DYNC2H1: variants seen among roughly 807,000 people sequenced by gnomAD.
DYNC2H1 encodes the protein cytoplasmic dynein 2 heavy chain 1.
In DYNC2H1, 410 loss-of-function variants were observed where a neutral mutation model predicts 570.0. The ratio of observed to expected loss-of-function variants is 0.72; its 90% CI spans 0.66 to 0.78. DYNC2H1 has a LOEUF of 0.78. DYNC2H1 is among the 30% of genes least tolerant of loss of function. The probability of loss-of-function intolerance (pLI) is 0.00; values close to 1 mark genes in which losing one functional copy is unlikely to be tolerated. For synonymous variants in DYNC2H1, 1,688 were observed against 1,677.6 expected, an observed-to-expected ratio of 1.01 and a Z score of -0.15; for missense variants, 4,865 against 5,046.4, an observed-to-expected ratio of 0.96 and a Z score of 1.09.
chr11:103,362,958 G>A (rs1940730654), intron 83 of DYNC2H1, among the ~76,000 whole-genome samples: 1 of 152,070 alleles, frequency 6.6e-6, no homozygotes, highest in Admixed American at 6.5e-5. Context: ...CTGAACCCGG[G>A]AGACAGAGGT....
intron 84 of DYNC2H1, among the ~76,000 whole-genome samples, chr11:103,417,315 A>G (rs568909801): frequency 2.8e-4 from 42 of 151,888 alleles, no homozygotes; most frequent in African/African-American, 9.4e-4. Flanking sequence ...GTTGGTCAGG[A>G]TGGTCTCGAT....
Position 103,326,097 on chromosome 11 carries a change from GAAT to G in DYNC2H1, c.12039+2111_12039+2113del, listed in dbSNP as rs1938456723. Among the ~76,000 whole-genome samples the G allele has an allele frequency of 4.6e-5, 7 of 152,152 alleles. No homozygotes were observed. The South Asian group carries it at 1.4e-3, about 32-fold the overall frequency. ...TCTTGGTTTCCGGCATCTATTAGCA[GAAT>G]AATGTTTAGTGTTGTAGTTTGGGCT... On this transcript the variant is annotated intron_variant, in intron 82 of 88. Coordinates refer to ENST00000375735, the MANE Select transcript of DYNC2H1 (RefSeq NM_001377.3). The surrounding 1 kb of genome is among the most constrained non-coding windows in gnomAD (Gnocchi z 6.1).
At chr11:103,124,126 A>G (rs1858865510) in intron 11 of DYNC2H1, among the ~76,000 whole-genome samples, 1 of 152,010 alleles carries the variant, frequency 6.6e-6, no homozygotes, top group Non-Finnish European at 1.5e-5. Context: ...TAATACCTGC[A>G]ATTTTTCTTA....
chr11:103,194,265 T>C (rs951098028), intron 47 of DYNC2H1, among the ~76,000 whole-genome samples: 1 of 150,422 alleles, frequency 6.6e-6, no homozygotes, highest in African/African-American at 2.5e-5. Context: ...TTTCTTTTTA[T>C]TGCTTTTTAT....
Position 103,205,103 on chromosome 11 carries a change from T to C in DYNC2H1, c.8454+139T>C. 4 of 789,842 alleles carry C rather than the reference T, an allele frequency of 5.1e-6. No homozygotes were observed. The highest frequency in any genetic ancestry group is 7.6e-6 in the Non-Finnish European group (4 of 525,562). The allele number at this position is 789,842 out of a possible 1,614,324, so 48.9% of individuals were successfully genotyped here. On this transcript the variant is annotated intron_variant, in intron 52 of 88. Coordinates refer to ENST00000375735, the MANE Select transcript of DYNC2H1 (RefSeq NM_001377.3). This position sits in a 1 kb window ranked among gnomAD's most constrained non-coding sequence, Gnocchi z 4.5. ...CATCTCTTATGTTTGGAAATGTCTG[T>C]TTTCTTCGTACTCTTGCATCATAAT...
chr11:103,253,612 T>G lies in DYNC2H1; in HGVS notation c.10206+164T>G, dbSNP rs1227617910. ...AGTGAAGCATTCTGGCTTATTTCATTTATCATATGTATTAGACCTGTACAT... is the reference window on the plus strand; with the variant it reads ...AGTGAAGCATTCTGGCTTATTTCATGTATCATATGTATTAGACCTGTACAT... On this transcript the variant is annotated intron_variant, in intron 66 of 88. Transcript: ENST00000375735. Among the ~76,000 whole-genome samples, 3 of 152,182 alleles carry G rather than the reference T, an allele frequency of 2.0e-5. No homozygotes were observed. The East Asian group carries it at 5.8e-4, about 29-fold the overall frequency.
At chr11:103,274,806 T>C (rs1031027633) in intron 70 of DYNC2H1, among the ~76,000 whole-genome samples, 1 of 152,016 alleles carries the variant, frequency 6.6e-6, no homozygotes, top group African/African-American at 2.4e-5. Flanking sequence ...TAAAATTTAT[T>C]TATGTAGGCT....
intron 83 of DYNC2H1, among the ~76,000 whole-genome samples, chr11:103,389,269 A>G (rs1942030643): frequency 6.6e-6 from 1 of 151,960 alleles, no homozygotes; most frequent in Non-Finnish European, 1.5e-5. Context: ...TTTCTTCTAC[A>G]TTTTCTAGTT....
At chr11:103,315,757 T>C (rs1937789581) in intron 79 of DYNC2H1, among the ~76,000 whole-genome samples, 1 of 151,758 alleles carries the variant, frequency 6.6e-6, no homozygotes, top group African/African-American at 2.4e-5. Flanking sequence ...TTTGAGTGAT[T>C]GTCTCCAGCC....
intron 70 of DYNC2H1, among the ~76,000 whole-genome samples, chr11:103,274,578 G>A (rs1865837102): frequency 6.6e-6 from 1 of 151,920 alleles, no homozygotes; most frequent in African/African-American, 2.4e-5. Context: ...AGCTTCTCCA[G>A]CTCATCATTA....
rs956690168 is a variant in DYNC2H1 at position 103,252,700 on chromosome 11, T to C, written c.10043-585T>C. Among the ~76,000 whole-genome samples, 15 of 152,322 alleles carry C rather than the reference T, an allele frequency of 9.8e-5. No individual in the cohort carries two copies. The highest frequency in any genetic ancestry group is 3.4e-4 in the African/African-American group (14 of 41,592). On this transcript the variant is annotated intron_variant, in intron 65 of 88. Transcript: ENST00000375735. This position sits in a 1 kb window ranked among gnomAD's most constrained non-coding sequence, Gnocchi z 4.6. ...TGCTTTTTAATCAGGTTATTTATCT[T>C]TCTGCTATTGAATTGTATGAGTTTT...
intron 70 of DYNC2H1, among the ~76,000 whole-genome samples, chr11:103,269,039 G>A (rs560904399): frequency 5.2e-4 from 79 of 152,128 alleles, no homozygotes; most frequent in Non-Finnish European, 9.0e-4. Flanking sequence ...TAGGCAAAAG[G>A]CAGCATTTTG....
intron 84 of DYNC2H1, among the ~76,000 whole-genome samples, chr11:103,419,036 C>T (rs761126714): frequency 1.3e-5 from 2 of 152,170 alleles, no homozygotes; most frequent in Admixed American, 6.6e-5. Context: ...AGCCAAGCAG[C>T]GTCATTCTGC....
rs979956503 is a variant in DYNC2H1, at chr11:103,239,200, G to A, written c.9819+2661G>A. On this transcript the variant is annotated intron_variant, in intron 63 of 88. Transcript: ENST00000375735. The surrounding 1 kb of genome is among the most constrained non-coding windows in gnomAD (Gnocchi z 4.3). ...GTTATAGACAGTTCAGTGTCAAATT[G>A]GTTTTAACCACTCAAAATTTCATAG... Among the ~76,000 whole-genome samples, 3 of 151,884 alleles carry A rather than the reference G, an allele frequency of 2.0e-5. No homozygotes were observed. Among genetic ancestry groups the A allele is most frequent in the Admixed American group, 6.6e-5 (1 of 15,232 alleles).
chr11:103,467,200 C>G (rs1220782233), intron 87 of DYNC2H1, among the ~76,000 whole-genome samples: 1 of 152,070 alleles, frequency 6.6e-6, no homozygotes, highest in African/African-American at 2.4e-5. Context: ...ATTTTCAAAA[C>G]TCTTCAAGTG....
rs547302738 is a variant in DYNC2H1 at position 103,244,071 on chromosome 11, C to G, written c.9918+280C>G. Among the ~76,000 whole-genome samples, 88 of 152,198 alleles carry G rather than the reference C, an allele frequency of 5.8e-4. No homozygotes were observed. Among genetic ancestry groups the G allele is most frequent in the Middle Eastern group, 6.8e-3 (2 of 294 alleles). On this transcript the variant is annotated intron_variant, in intron 64 of 88. Transcript: ENST00000375735. The surrounding 1 kb of genome is among the most constrained non-coding windows in gnomAD (Gnocchi z 4.3). ...TAGGTTAGAGAAACAATTAAAGAAG[C>G]TTTGCACTACGTTATGACTAATGAC...
chr11:103,223,107 A>G (rs1190834175), intron 59 of DYNC2H1, 21 bp downstream of exon 59: 19 of 1,566,820 alleles, frequency 1.2e-5, no homozygotes, highest in Non-Finnish European at 1.6e-5. Context: ...TATAAAATAT[A>G]AACAATTCTA....
chr11:103,196,293 G>A (rs1862504576), intron 47 of DYNC2H1, among the ~76,000 whole-genome samples: 1 of 152,146 alleles, frequency 6.6e-6, no homozygotes, highest in Non-Finnish European at 1.5e-5. Context: ...TAATAGTTCA[G>A]TTTTGTACAT....
chr11:103,119,795 C>A (rs1858606302), intron 6 of DYNC2H1, among the ~76,000 whole-genome samples: 1 of 152,292 alleles, frequency 6.6e-6, no homozygotes, highest in Admixed American at 6.5e-5. Flanking sequence ...AGGGGAAGTG[C>A]TGTTACTTAG....
Sources: allele counts gnomAD v4.1 joint callset (sites outside exome capture counted in the v4.1 genomes callset), GRCh38; gene constraint gnomAD v4.1.1; non-coding constraint Gnocchi (gnomAD v3.1); transcripts MANE v1.5; gene names NCBI Gene and HGNC (gene_info 2026-07-23, HGNC 2026-07-21).